The following UST variants were observed in gnomAD, a reference collection of about 807,000 sequenced individuals.
UST encodes the protein chondroitin sulfate 2-O-sulfotransferase.
In UST, 21 loss-of-function variants were observed where a neutral mutation model predicts 45.6. That is an observed-to-expected ratio of 0.46 (90% CI 0.33 to 0.66). The LOEUF (loss-of-function observed/expected upper bound fraction) is 0.66. Among genes scored for constraint, UST ranks in the 30% least tolerant of loss-of-function variants. The pLI, the probability that UST is intolerant of heterozygous loss-of-function variation, is 0.02. For missense variants in UST, 463 were observed against 512.4 expected, an observed-to-expected ratio of 0.90 and a Z score of 0.93; for synonymous variants, 215 against 200.6, an observed-to-expected ratio of 1.07 and a Z score of -0.61.
intron 1 of UST, among the ~76,000 whole-genome samples, chr6:148,762,473 G>A (rs903653302): frequency 4.0e-5 from 6 of 151,650 alleles, no homozygotes; most frequent in Non-Finnish European, 8.8e-5. Flanking sequence ...TTTCAGGGGT[G>A]CTTCCTAGCG....
intron 2 of UST, among the ~76,000 whole-genome samples, chr6:148,896,278 CA>C (rs936548304): frequency 2.0e-5 from 3 of 152,226 alleles, no homozygotes; most frequent in African/African-American, 4.8e-5. Context: ...CCCAAAACCT[CA>C]AAGCCTATTT....
chr6:148,892,512 G>T (rs1779038507), intron 2 of UST, among the ~76,000 whole-genome samples: 1 of 152,080 alleles, frequency 6.6e-6, no homozygotes, highest in South Asian at 2.1e-4. Context: ...CATTCCCTTA[G>T]GCTCACATTG....
intron 1 of UST, among the ~76,000 whole-genome samples, chr6:148,882,950 T>C (rs534570342): frequency 6.6e-6 from 1 of 152,252 alleles, no homozygotes; most frequent in African/African-American, 2.4e-5. Flanking sequence ...GATGCGAGAA[T>C]GCCTAATGAG....
intron 7 of UST, among the ~76,000 whole-genome samples, chr6:149,066,715 CT>C (rs2115044671): frequency 6.6e-6 from 1 of 152,178 alleles, no homozygotes; most frequent in Admixed American, 6.5e-5. Context: ...CCTCCACCCT[CT>C]GAAGCTTACT....
intron 5 of UST, among the ~76,000 whole-genome samples, chr6:149,010,538 A>T (rs972462134): frequency 6.6e-6 from 1 of 152,108 alleles, no homozygotes; most frequent in Non-Finnish European, 1.5e-5. Context: ...CAAAAATCTA[A>T]TGAAAACTGA....
At chr6:148,939,550 C>T (rs1582910155) in intron 2 of UST, among the ~76,000 whole-genome samples, 1 of 152,084 alleles carries the variant, frequency 6.6e-6, no homozygotes, top group East Asian at 1.9e-4. Flanking sequence ...TAATAATGAC[C>T]CCAAATACAC....
intron 1 of UST, among the ~76,000 whole-genome samples, chr6:148,801,731 C>T (rs1777060997): frequency 6.6e-6 from 1 of 152,152 alleles, no homozygotes; most frequent in Non-Finnish European, 1.5e-5. Context: ...TCACTCTCCC[C>T]TTTCTTTTTG....
intron 1 of UST, among the ~76,000 whole-genome samples, chr6:148,765,260 C>G (rs180810827): frequency 6.6e-6 from 1 of 152,038 alleles, no homozygotes; most frequent in Non-Finnish European, 1.5e-5. Flanking sequence ...ACTTTGTTTA[C>G]GATCAGTTGG....
chr6:148,883,860 A>C (rs1466633306), intron 1 of UST, among the ~76,000 whole-genome samples: 1 of 152,184 alleles, frequency 6.6e-6, no homozygotes. Flanking sequence ...GGCCAGGCGC[A>C]GTGGCTCACG....
intron 4 of UST, 40 bp downstream of exon 4, chr6:148,953,991 C>T: frequency 6.8e-7 from 1 of 1,475,066 alleles, no homozygotes; most frequent in Non-Finnish European, 9.3e-7. Context: ...TCATTTTCTT[C>T]TAATGAACAG....
chr6:148,784,107 T>C (rs1776694065), intron 1 of UST, among the ~76,000 whole-genome samples: 1 of 152,184 alleles, frequency 6.6e-6, no homozygotes, highest in South Asian at 2.1e-4. Context: ...AGACTGACTT[T>C]TATATGTGAA....
intron 1 of UST, among the ~76,000 whole-genome samples, chr6:148,777,119 G>A (rs1459061533): frequency 1.3e-5 from 2 of 152,148 alleles, no homozygotes; most frequent in African/African-American, 2.4e-5. Flanking sequence ...TTCCTCTCCT[G>A]GAGACAGGAG....
At chr6:149,052,955 A>G (rs1203328168) in intron 7 of UST, among the ~76,000 whole-genome samples, 2 of 152,218 alleles carry the variant, frequency 1.3e-5, no homozygotes, top group Non-Finnish European at 2.9e-5. Flanking sequence ...GAATTTAAGA[A>G]AGCAAACAAT....
chr6:148,803,443 G>T (rs1330815822), intron 1 of UST, among the ~76,000 whole-genome samples: 1 of 152,080 alleles, frequency 6.6e-6, no homozygotes, highest in African/African-American at 2.4e-5. Context: ...TAGTCCTGAT[G>T]ACTTTACTTC....
chr6:148,909,004 G>A (rs1037433316), intron 2 of UST, among the ~76,000 whole-genome samples: 1 of 152,156 alleles, frequency 6.6e-6, no homozygotes, highest in Non-Finnish European at 1.5e-5. Flanking sequence ...GTGGTTGTAT[G>A]ACCATTGAAT....
chr6:148,955,333 A>G, intron 4 of UST, among the ~76,000 whole-genome samples: 1 of 152,244 alleles, frequency 6.6e-6, no homozygotes. Context: ...GCTATGCAGC[A>G]GGTCCTGTGC....
At chr6:148,864,986 G>A (rs1778398715) in intron 1 of UST, among the ~76,000 whole-genome samples, 1 of 152,142 alleles carries the variant, frequency 6.6e-6, no homozygotes, top group Non-Finnish European at 1.5e-5. Context: ...TAAAATCTAG[G>A]TAAGCTAACT....
intron 5 of UST, among the ~76,000 whole-genome samples, chr6:148,975,995 G>A (rs553851730): frequency 6.6e-6 from 1 of 152,038 alleles, no homozygotes; most frequent in African/African-American, 2.4e-5. Context: ...ACATTAACAG[G>A]CAAATCGAAT....
rs895901773 is a variant in UST, at chr6:148,934,826, T to C, written c.292-6453T>C. On this transcript the variant is annotated intron_variant, in intron 2 of 7. Coordinates refer to ENST00000367463, the MANE Select transcript of UST (RefSeq NM_005715.3). The surrounding 1 kb of genome is among the most constrained non-coding windows in gnomAD (Gnocchi z 4.1). ...CTGTGATTCAGTTCGTCTTAGAGTG[T>C]GGCCCAGAAATCTGCATTTTTAAAA... Among the ~76,000 whole-genome samples the C allele has an allele frequency of 6.6e-6, 1 of 150,710 alleles. No individual in the cohort carries two copies. Among genetic ancestry groups the C allele is most frequent in the African/African-American group, 2.5e-5 (1 of 40,292 alleles).
Sources: gnomAD v4.1 joint callset for allele counts (sites outside exome capture counted in the v4.1 genomes callset) on GRCh38, gnomAD v4.1.1 for gene constraint, Gnocchi (gnomAD v3.1) non-coding constraint, MANE v1.5 for transcripts, NCBI Gene and HGNC (gene_info 2026-07-23, HGNC 2026-07-21) for gene names.